Variants in RELB observed in about 807,000 individuals in gnomAD.
RELB encodes the protein RELB proto-oncogene, NF-kB subunit, also known as transcription factor RelB.
In RELB, 14 loss-of-function variants were observed where a neutral mutation model predicts 55.4. The ratio of observed to expected loss-of-function variants is 0.25; its 90% CI spans 0.17 to 0.40. RELB has a LOEUF of 0.40. Ranked by LOEUF, RELB falls within the 10% of genes least tolerant of loss-of-function variation. The probability of loss-of-function intolerance (pLI) is 1.00; values close to 1 mark genes in which losing one functional copy is unlikely to be tolerated. For missense variants in RELB, 669 were observed against 830.7 expected, an observed-to-expected ratio of 0.81 and a Z score of 2.39; for synonymous variants, 409 against 371.3, an observed-to-expected ratio of 1.10 and a Z score of -1.17.
intron 4 of RELB, among the ~76,000 whole-genome samples, chr19:45,018,706 C>A (rs1440454980): frequency 1.3e-5 from 2 of 148,494 alleles, no homozygotes; most frequent in African/African-American, 5.0e-5. Context: ...GACAGAGTTT[C>A]GCTCTTGTTG....
intron 8 of RELB, among the ~76,000 whole-genome samples, chr19:45,031,410 C>T (rs977195096): frequency 7.2e-5 from 11 of 152,102 alleles, no homozygotes; most frequent in African/African-American, 2.7e-4. Context: ...CAGGTGTGGG[C>T]CACTATGCCT....
intron 11 of RELB, among the ~76,000 whole-genome samples, chr19:45,037,122 G>A (rs927463914): frequency 2.0e-5 from 3 of 151,952 alleles, no homozygotes; most frequent in African/African-American, 7.2e-5. Flanking sequence ...CTACTAAAAA[G>A]ATAAGAATTA....
At chr19:45,025,455 C>T in intron 6 of RELB, 35 bp downstream of exon 6, 2 of 1,587,304 alleles carry the variant, frequency 1.3e-6, no homozygotes, top group African/African-American at 1.3e-5. Context: ...CCATCCCGTC[C>T]TCCCAAACCC....
In RELB at chr19:45,001,656, C is replaced by A. The variant is rs747010962; in HGVS notation, c.77C>A (p.Pro26Gln). The change falls in exon 1 of 12, where the codon CCG (proline) becomes CAG (glutamine). Residue 26 changes from proline (P) to glutamine (Q), a missense_variant. This residue lies in a region of RELB where 323 missense variants were observed against 368.5 expected (regional missense o/e 0.88). Transcript: ENST00000221452. ...ATGCCGAGTCGCCGCGTCGCCAGACCGCCGGCTGCGCCGGAGCTGGGGGCC... is the reference window on the plus strand; with the variant it reads ...ATGCCGAGTCGCCGCGTCGCCAGACAGCCGGCTGCGCCGGAGCTGGGGGCC... Reference protein sequence around the residue: ...RAMPSRRVARPPAAPELGALG... With the variant: ...RAMPSRRVARQPAAPELGALG... The A allele has an allele frequency of 6.6e-7, 1 of 1,522,628 alleles. No homozygotes were observed. The highest frequency in any genetic ancestry group is 8.8e-7 in the Non-Finnish European group (1 of 1,141,220). The allele number at this position is 1,522,628 out of a possible 1,614,324, so 94.3% of individuals were successfully genotyped here.
chr19:45,025,847 C>A, intron 7 of RELB, 110 bp downstream of exon 7: 1 of 1,397,050 alleles, frequency 7.2e-7, no homozygotes, highest in South Asian at 1.2e-5. Flanking sequence ...GCCTGTAATC[C>A]CAACACTTTG....
intron 4 of RELB, among the ~76,000 whole-genome samples, chr19:45,016,397 G>T (rs1183684425): frequency 1.3e-5 from 2 of 152,176 alleles, no homozygotes; most frequent in Non-Finnish European, 2.9e-5. Flanking sequence ...GGATATATGA[G>T]GAAGGTGGCA....
At chr19:45,036,352 C>T (rs1202318096) in intron 11 of RELB, among the ~76,000 whole-genome samples, 3 of 152,126 alleles carry the variant, frequency 2.0e-5, no homozygotes, top group Non-Finnish European at 2.9e-5. Flanking sequence ...GGATTACAGG[C>T]GTGAGCCACC....
intron 4 of RELB, among the ~76,000 whole-genome samples, chr19:45,021,200 A>T (rs1227384222): frequency 6.6e-6 from 1 of 151,764 alleles, no homozygotes. Flanking sequence ...AAGGCCAGGC[A>T]CGGTGACTCA....
At chr19:45,021,289 C>T (rs528411641) in intron 4 of RELB, among the ~76,000 whole-genome samples, 7 of 151,710 alleles carry the variant, frequency 4.6e-5, no homozygotes, top group Non-Finnish European at 5.9e-5. Flanking sequence ...CTGGCGAACA[C>T]GGTGAAACCC....
chr19:45,038,166 T>G lies in RELB; in HGVS notation c.*376T>G. On this transcript the variant is annotated 3_prime_UTR_variant, in exon 12 of 12. Transcript: ENST00000221452. ...GGGGGTAGGTTGGTTGTTCAGAGTCTTCCCAATAAAGATGAGTTTTTGAGC... is the reference window on the plus strand; with the variant it reads ...GGGGGTAGGTTGGTTGTTCAGAGTCGTCCCAATAAAGATGAGTTTTTGAGC... 5.3e-6 allele frequency: 1 copy of G among 190,078 alleles called. No homozygotes were observed. Among genetic ancestry groups the G allele is most frequent in the Non-Finnish European group, 1.1e-5 (1 of 93,252 alleles). 11.8% of individuals were successfully genotyped at this position (190,078 alleles called of 1,614,324 possible). A position where few individuals can be genotyped will look rare whatever the true frequency, so the allele number is the denominator to read the frequency against.
At chr19:45,019,250 A>G (rs1351700557) in intron 4 of RELB, among the ~76,000 whole-genome samples, 3 of 151,728 alleles carry the variant, frequency 2.0e-5, no homozygotes, top group Admixed American at 2.0e-4. Context: ...TTTTGTAGAG[A>G]TGGGGTCTGC....
chr19:45,030,273 G>C (rs959986147), intron 8 of RELB, among the ~76,000 whole-genome samples: 7 of 152,134 alleles, frequency 4.6e-5, no homozygotes, highest in African/African-American at 1.7e-4. Context: ...AGGAGTTTGA[G>C]TCCAGTCTGG....
chr19:45,013,165 G>A (rs901087559), intron 4 of RELB, among the ~76,000 whole-genome samples: 3 of 151,718 alleles, frequency 2.0e-5, no homozygotes, highest in Non-Finnish European at 2.9e-5. Context: ...TTTTTGAGAC[G>A]GAGTCTTGGT....
intron 5 of RELB, among the ~76,000 whole-genome samples, chr19:45,024,953 G>A (rs569068723): frequency 7.2e-5 from 11 of 152,032 alleles, no homozygotes; most frequent in East Asian, 1.9e-4. Context: ...TCTGCCTCCC[G>A]GGTTCAAGTG....
rs960689481 is a variant in RELB, at chr19:45,025,808, G to A, written c.886+71G>A. The A allele has an allele frequency of 1.9e-6, 3 of 1,585,502 alleles. No individual in the cohort carries two copies. The African/African-American group carries it at 4.0e-5, about 21-fold the overall frequency. On this transcript the variant is annotated intron_variant, in intron 7 of 11. Coordinates refer to ENST00000221452, the MANE Select transcript of RELB (RefSeq NM_006509.4). ...GTGTCAGAATGTCCCGCTTACAGAG[G>A]CATGAATGGCTCAGGCGCTGTGGCT...
chr19:45,006,839 C>G (rs1971288003), intron 2 of RELB, among the ~76,000 whole-genome samples: 1 of 151,340 alleles, frequency 6.6e-6, no homozygotes, highest in South Asian at 2.1e-4. Flanking sequence ...CCTGTAATCC[C>G]AGCTACTCAG....
intron 4 of RELB, among the ~76,000 whole-genome samples, chr19:45,021,528 C>G (rs1463448973): frequency 6.7e-6 from 1 of 150,164 alleles, no homozygotes; most frequent in Non-Finnish European, 1.5e-5. Flanking sequence ...ATGAGGCCCC[C>G]CAGTTCATCA....
chr19:45,025,302 C>T, intron 5 of RELB, 27 bp from the exon 6 acceptor site: 2 of 1,554,122 alleles, frequency 1.3e-6, no homozygotes, highest in Non-Finnish European at 1.8e-6. Flanking sequence ...CACGAGCACT[C>T]CTCTCCCTCC....
At chr19:45,002,257 G>A (rs1471791836) in intron 1 of RELB, among the ~76,000 whole-genome samples, 1 of 152,244 alleles carries the variant, frequency 6.6e-6, no homozygotes, top group Non-Finnish European at 1.5e-5. Flanking sequence ...AATGAGGAGG[G>A]GGTGGGGCTT....
Sources: gnomAD v4.1 joint callset for allele counts (sites outside exome capture counted in the v4.1 genomes callset) on GRCh38, gnomAD v4.1.1 for gene constraint, gnomAD v4.1.1 regional missense constraint, MANE v1.5 for transcripts, NCBI Gene and HGNC (gene_info 2026-07-23, HGNC 2026-07-21) for gene names.